Variants in RALYL observed in about 807,000 individuals in gnomAD.
RALYL encodes the protein RALY RNA binding protein like.
Under a neutral mutation model 35.1 loss-of-function variants are expected in RALYL, and 29 were observed. That is an observed-to-expected ratio of 0.83 (90% CI 0.61 to 1.13). The LOEUF is 1.13. RALYL is among the 50% of genes most tolerant of loss of function. RALYL has a pLI of 0.00. For synonymous variants in RALYL, 120 were observed against 127.6 expected (o/e 0.94, Z 0.40); for missense variants, 359 against 360.4 (o/e 1.00, Z 0.03).
chr8:84,252,377 T>C (rs1214237290), intron 1 of RALYL, among the ~76,000 whole-genome samples: 1 of 152,142 alleles, frequency 6.6e-6, no homozygotes, highest in Non-Finnish European at 1.5e-5. Flanking sequence ...TAAATATTAA[T>C]TAGTTATAAA....
At chr8:84,883,028 TATA>T (rs1842419405) in intron 7 of RALYL, among the ~76,000 whole-genome samples, 1 of 152,036 alleles carries the variant, frequency 6.6e-6, no homozygotes, top group Non-Finnish European at 1.5e-5. Flanking sequence ...GTTTAGTGAT[TATA>T]ATATTTCCCA....
chr8:84,724,718 A>G (rs372978944), intron 2 of RALYL, among the ~76,000 whole-genome samples: 2 of 151,824 alleles, frequency 1.3e-5, no homozygotes, highest in East Asian at 1.9e-4. Flanking sequence ...TTATTTCATC[A>G]TCTTCCCCAC....
chr8:84,687,117 G>A (rs1836965159), intron 2 of RALYL, among the ~76,000 whole-genome samples: 1 of 152,044 alleles, frequency 6.6e-6, no homozygotes, highest in Non-Finnish European at 1.5e-5. Context: ...TTAAATTAAT[G>A]TTAATTAGAA....
At chr8:84,484,405 C>A (rs1012622994) in intron 1 of RALYL, among the ~76,000 whole-genome samples, 2 of 151,912 alleles carry the variant, frequency 1.3e-5, no homozygotes, top group East Asian at 3.9e-4. Flanking sequence ...ATAGGATAAC[C>A]AGAGAGGCAA....
intron 1 of RALYL, among the ~76,000 whole-genome samples, chr8:84,342,590 A>G (rs1015137704): frequency 6.6e-6 from 1 of 151,880 alleles, no homozygotes; most frequent in Non-Finnish European, 1.5e-5. Flanking sequence ...CTATAATTGC[A>G]TACTGAACAG....
intron 2 of RALYL, among the ~76,000 whole-genome samples, chr8:84,567,665 C>A (rs527422316): frequency 6.6e-6 from 1 of 150,920 alleles, no homozygotes; most frequent in Admixed American, 6.7e-5. Flanking sequence ...GATAAATATA[C>A]GAGTGAACGT....
At chr8:84,916,918 G>A (rs886357038) in intron 8 of RALYL, among the ~76,000 whole-genome samples, 6 of 152,038 alleles carry the variant, frequency 3.9e-5, no homozygotes, top group Non-Finnish European at 7.4e-5. Context: ...AGTTTCTGTG[G>A]ATTTGGTAAA....
chr8:84,827,086 C>A (rs748317717), intron 4 of RALYL, among the ~76,000 whole-genome samples: 65 of 151,880 alleles, frequency 4.3e-4, no homozygotes, highest in Non-Finnish European at 7.7e-4. Flanking sequence ...AACCTTATAG[C>A]AGAAATGAAA....
chr8:84,777,089 C>T (rs2718971), intron 3 of RALYL, among the ~76,000 whole-genome samples: 34,997 of 152,110 alleles, frequency 0.23, 4,255 homozygotes, highest in Non-Finnish European at 0.25. Context: ...TAGTCATTCA[C>T]CTGTTCATCA....
intron 1 of RALYL, among the ~76,000 whole-genome samples, chr8:84,209,522 C>G (rs910806020): frequency 3.9e-5 from 6 of 152,156 alleles, no homozygotes; most frequent in Non-Finnish European, 8.8e-5. Flanking sequence ...AACTGAGCCA[C>G]TACAGGGCAA....
intron 1 of RALYL, among the ~76,000 whole-genome samples, chr8:84,509,367 C>A (rs778035586): frequency 6.6e-6 from 1 of 152,092 alleles, no homozygotes; most frequent in Non-Finnish European, 1.5e-5. Context: ...GTCAAATCCT[C>A]CAATATTGAA....
At chr8:84,418,376 G>T (rs2044997204) in intron 1 of RALYL, among the ~76,000 whole-genome samples, 1 of 152,040 alleles carries the variant, frequency 6.6e-6, no homozygotes, top group Non-Finnish European at 1.5e-5. Context: ...CACATATTAG[G>T]TACTCAGTGA....
intron 1 of RALYL, among the ~76,000 whole-genome samples, chr8:84,291,074 C>T (rs1411095250): frequency 1.3e-5 from 2 of 151,996 alleles, no homozygotes; most frequent in African/African-American, 4.8e-5. Flanking sequence ...AAATGAAACC[C>T]TACAAGCTCA....
intron 1 of RALYL, among the ~76,000 whole-genome samples, chr8:84,450,201 T>C (rs1587378509): frequency 6.6e-6 from 1 of 151,920 alleles, no homozygotes; most frequent in East Asian, 1.9e-4. Context: ...GGAAATATAA[T>C]TTGGTTTTGA....
At chr8:84,593,363 A>C (rs889986184) in intron 2 of RALYL, among the ~76,000 whole-genome samples, 7 of 152,000 alleles carry the variant, frequency 4.6e-5, no homozygotes, top group African/African-American at 1.7e-4. Flanking sequence ...AACTTTCCTC[A>C]TGCGTCGCCA....
At chr8:84,810,161 C>G (rs1825592187) in intron 4 of RALYL, among the ~76,000 whole-genome samples, 1 of 152,004 alleles carries the variant, frequency 6.6e-6, no homozygotes, top group South Asian at 2.1e-4. Flanking sequence ...TTACTGTATC[C>G]CAGAGGTTTT....
intron 1 of RALYL, among the ~76,000 whole-genome samples, chr8:84,242,211 C>T (rs1276655743): frequency 2.0e-5 from 3 of 152,176 alleles, no homozygotes; most frequent in African/African-American, 7.2e-5. Flanking sequence ...CATAGTATTC[C>T]ATAGTGCATA....
At chr8:84,300,662 A>T (rs1021767500) in intron 1 of RALYL, among the ~76,000 whole-genome samples, 1 of 151,748 alleles carries the variant, frequency 6.6e-6, no homozygotes, top group Non-Finnish European at 1.5e-5. Context: ...TTAATTGAGC[A>T]CTTTACCATT....
chr8:84,563,736 C>T (rs538225467), intron 2 of RALYL, among the ~76,000 whole-genome samples: 4 of 151,662 alleles, frequency 2.6e-5, no homozygotes, highest in South Asian at 2.1e-4. Context: ...TTCACTTTTA[C>T]GTTTTATGAT....
Sources: allele counts gnomAD v4.1 joint callset (sites outside exome capture counted in the v4.1 genomes callset), GRCh38; gene constraint gnomAD v4.1.1; transcripts MANE v1.5; gene names NCBI Gene and HGNC (gene_info 2026-07-23, HGNC 2026-07-21).